Variants in ZEB1 observed in about 807,000 individuals in gnomAD.
The protein encoded by ZEB1 is zinc finger E-box binding homeobox 1.
A neutral mutation model predicts 84.9 loss-of-function variants in ZEB1; 21 were observed. The ratio of observed to expected loss-of-function variants is 0.25; its 90% CI spans 0.18 to 0.36. The LOEUF is 0.36. Ranked by LOEUF, ZEB1 falls within the 10% of genes least tolerant of loss-of-function variation. ZEB1 has a pLI of 1.00. For missense variants in ZEB1, 1,104 were observed against 1,330.2 expected (o/e 0.83, Z 2.65); for synonymous variants, 420 against 471.1 (o/e 0.89, Z 1.41).
At chr10:31,416,422 C>T (rs186892989) in intron 1 of ZEB1, among the ~76,000 whole-genome samples, 1 of 152,096 alleles carries the variant, frequency 6.6e-6, no homozygotes, top group Admixed American at 6.5e-5. Context: ...GTATATTTTC[C>T]AGTCTTGTCA....
At chr10:31,375,790 A>G (rs2134607200) in intron 1 of ZEB1, among the ~76,000 whole-genome samples, 1 of 151,860 alleles carries the variant, frequency 6.6e-6, no homozygotes, top group Non-Finnish European at 1.5e-5. Flanking sequence ...GTTATTGTTT[A>G]TAGATATGGA....
chr10:31,364,900 G>T (rs1335530416), intron 1 of ZEB1, among the ~76,000 whole-genome samples: 1 of 152,178 alleles, frequency 6.6e-6, no homozygotes, highest in African/African-American at 2.4e-5. Context: ...CTCGAAGGAG[G>T]TCTTCACTTC....
intron 2 of ZEB1, among the ~76,000 whole-genome samples, chr10:31,463,191 G>A (rs1189537975): frequency 6.6e-6 from 1 of 152,052 alleles, no homozygotes; most frequent in Non-Finnish European, 1.5e-5. Flanking sequence ...GGAAAAAAGG[G>A]GGCAATAAGA....
chr10:31,489,777 A>G (rs2066254585), intron 2 of ZEB1, among the ~76,000 whole-genome samples: 1 of 151,206 alleles, frequency 6.6e-6, no homozygotes. Flanking sequence ...CCTTTATTTT[A>G]TAGTTTTTAT....
chr10:31,425,459 G>A (rs757260376), intron 1 of ZEB1, among the ~76,000 whole-genome samples: 5 of 152,000 alleles, frequency 3.3e-5, no homozygotes, highest in Non-Finnish European at 7.4e-5. Context: ...TGGGAAAACT[G>A]TGGCAGAGAA....
At chr10:31,325,821 C>A (rs1293713283) in intron 1 of ZEB1, among the ~76,000 whole-genome samples, 1 of 151,644 alleles carries the variant, frequency 6.6e-6, no homozygotes, top group Non-Finnish European at 1.5e-5. Context: ...ACTCTGATTT[C>A]AATTATCTTT....
intron 1 of ZEB1, among the ~76,000 whole-genome samples, chr10:31,339,633 G>A (rs1293899619): frequency 2.6e-5 from 4 of 151,926 alleles, no homozygotes; most frequent in Non-Finnish European, 4.4e-5. Flanking sequence ...AGCCAGGTGT[G>A]GTGGTGCACA....
chr10:31,441,583 T>A (rs1383885591), intron 1 of ZEB1, among the ~76,000 whole-genome samples: 2 of 152,134 alleles, frequency 1.3e-5, no homozygotes, highest in Non-Finnish European at 2.9e-5. Flanking sequence ...AAAGAGCTTC[T>A]GCACAGCAAA....
intron 1 of ZEB1, among the ~76,000 whole-genome samples, chr10:31,391,029 A>C (rs892281735): frequency 1.3e-5 from 2 of 152,156 alleles, no homozygotes; most frequent in Admixed American, 1.3e-4. Context: ...CACAAGGTGC[A>C]TGACTCAAGA....
chr10:31,376,971 C>CA (rs1034706890), intron 1 of ZEB1, among the ~76,000 whole-genome samples: 7 of 147,996 alleles, frequency 4.7e-5, no homozygotes, highest in African/African-American at 7.4e-5. Context: ...TACTGCTAAA[C>CA]AAAAAAAAAG....
intron 1 of ZEB1, among the ~76,000 whole-genome samples, chr10:31,429,733 CTTTTTTTTTTT>C (rs35031058): frequency 1.3e-4 from 10 of 79,542 alleles, no homozygotes; most frequent in African/African-American, 4.7e-4. Context: ...ACAGGCAGAA[CTTTTTTTTTTT>C]TTTTTTTTTT....
Position 31,527,355 on chromosome 10 carries a change from G to A in ZEB1, c.*91G>A. On this transcript the variant is annotated 3_prime_UTR_variant, in exon 9 of 9. Coordinates refer to ENST00000424869, the MANE Select transcript of ZEB1 (RefSeq NM_001174096.2). ...TTCATGGAAACACAGTAACCTGTAT[G>A]CTGTGATTCCTGTTCACTACTGTGT... The A allele has an allele frequency of 6.7e-7, 1 of 1,500,068 alleles. No individual in the cohort carries two copies. 92.9% of individuals were successfully genotyped at this position (1,500,068 alleles called of 1,614,324 possible). A position where few individuals can be genotyped will look rare whatever the true frequency, so the allele number is the denominator to read the frequency against.
intron 8 of ZEB1, among the ~76,000 whole-genome samples, chr10:31,526,019 T>G (rs550546794): frequency 5.6e-4 from 86 of 152,358 alleles, no homozygotes; most frequent in South Asian, 4.6e-3. Context: ...TGATCAGTTG[T>G]TGCCAGTCCT....
intron 1 of ZEB1, chr10:31,358,394 T>G (rs1418219360): frequency 6.6e-6 from 1 of 152,208 alleles, no homozygotes; most frequent in African/African-American, 2.4e-5. Context: ...TCAAGCACCC[T>G]CATTAGCAGA....
At chr10:31,362,828 G>C (rs1804715459) in intron 1 of ZEB1, 1 of 960,936 alleles carries the variant, frequency 1.0e-6, no homozygotes, top group Non-Finnish European at 1.6e-6. Flanking sequence ...CGCCTGCCCT[G>C]CCGTGTCTTC....
rs188627383 is a variant in ZEB1 at position 31,429,812 on chromosome 10, C to T, written c.59-31225C>T. ...AGGCTGGAGTGCAATGGCATAATCT[C>T]GGCTCACTGTAACCTCCACCTCCTG... On this transcript the variant is annotated intron_variant, in intron 1 of 8. Coordinates refer to ENST00000424869, the MANE Select transcript of ZEB1 (RefSeq NM_001174096.2). Among the ~76,000 whole-genome samples the T allele has an allele frequency of 1.7e-3, 226 of 134,442 alleles. 1 individual carries two copies. The highest frequency in any genetic ancestry group is 6.0e-3 in the African/African-American group (206 of 34,082). 88.2% of individuals were successfully genotyped at this position (134,442 alleles called of 152,430 possible). A position where few individuals can be genotyped will look rare whatever the true frequency, so the allele number is the denominator to read the frequency against.
intron 4 of ZEB1, among the ~76,000 whole-genome samples, chr10:31,505,883 T>C (rs2139358267): frequency 6.6e-6 from 1 of 152,068 alleles, no homozygotes; most frequent in South Asian, 2.1e-4. Flanking sequence ...TAGGTATTTA[T>C]TGCTATATAC....
At chr10:31,459,960 T>C (rs1278824886) in intron 1 of ZEB1, among the ~76,000 whole-genome samples, 1 of 151,596 alleles carries the variant, frequency 6.6e-6, no homozygotes, top group Admixed American at 6.6e-5. Flanking sequence ...AAGGAAGCAG[T>C]GGAAAGAATA....
Position 31,446,327 on chromosome 10 carries a change from T to C in ZEB1, c.59-14710T>C, listed in dbSNP as rs373824220. ...TCTCTTTTTTTATTAGTCTTGCTAGTGGTCTATCAATTTTGTTGATCCTTT... is the reference window on the plus strand; with the variant it reads ...TCTCTTTTTTTATTAGTCTTGCTAGCGGTCTATCAATTTTGTTGATCCTTT... On this transcript the variant is annotated intron_variant, in intron 1 of 8. Coordinates refer to ENST00000424869, the MANE Select transcript of ZEB1 (RefSeq NM_001174096.2). 6.6e-5 allele frequency among the ~76,000 whole-genome samples: 10 copies of C among 152,138 alleles called. No homozygotes were observed. The East Asian group carries it at 9.6e-4, about 15-fold the overall frequency.
Sources: gnomAD v4.1 joint callset for allele counts (sites outside exome capture counted in the v4.1 genomes callset) on GRCh38, gnomAD v4.1.1 for gene constraint, MANE v1.5 for transcripts, NCBI Gene and HGNC (gene_info 2026-07-23, HGNC 2026-07-21) for gene names.